Variants in CAMK1D observed in about 807,000 individuals in gnomAD.
CAMK1D encodes the protein calcium/calmodulin-dependent protein kinase type 1D.
CAMK1D carries 9 observed loss-of-function variants against 47.7 expected under a neutral mutation model. The ratio of observed to expected loss-of-function variants is 0.19; its 90% CI spans 0.11 to 0.33. The LOEUF (loss-of-function observed/expected upper bound fraction) is 0.33, where lower values mean the gene tolerates loss of function less well. CAMK1D is among the 10% of genes least tolerant of loss of function. The pLI is 1.00. For synonymous variants in CAMK1D, 184 were observed against 184.9 expected (o/e 0.99, Z 0.04); for missense variants, 291 against 488.7 (o/e 0.60, Z 3.81).
chr10:12,661,392 A>G (rs557685166), intron 2 of CAMK1D, among the ~76,000 whole-genome samples: 65 of 152,228 alleles, frequency 4.3e-4, no homozygotes, highest in Non-Finnish European at 8.7e-4. Context: ...CAGCAATGAC[A>G]ATTATGAGTT....
At chr10:12,406,098 G>C (rs1026104340) in intron 1 of CAMK1D, among the ~76,000 whole-genome samples, 3 of 152,148 alleles carry the variant, frequency 2.0e-5, no homozygotes, top group Non-Finnish European at 4.4e-5. Context: ...CGGTTGGCTT[G>C]TTGGGAAGAA....
At chr10:12,476,224 G>A (rs1418768848) in intron 1 of CAMK1D, among the ~76,000 whole-genome samples, 1 of 150,730 alleles carries the variant, frequency 6.6e-6, no homozygotes, top group Non-Finnish European at 1.5e-5. Flanking sequence ...CCTGGGAGGC[G>A]GAGGTTGCAG....
intron 3 of CAMK1D, among the ~76,000 whole-genome samples, chr10:12,722,446 CAAAAAAAAAAAAA>C (rs55809900): frequency 6.2e-5 from 3 of 48,596 alleles, no homozygotes; most frequent in East Asian, 8.2e-4. Flanking sequence ...GACTCCGCCT[CAAAAAAAAAAAAA>C]AAAAAAAAAA....
At chr10:12,582,742 A>G (rs183145779) in intron 2 of CAMK1D, among the ~76,000 whole-genome samples, 1 of 152,318 alleles carries the variant, frequency 6.6e-6, no homozygotes, top group Admixed American at 6.5e-5. Context: ...ACTTTGCTGA[A>G]TTCATTTATC....
chr10:12,406,722 C>CAAAAAAAAAAAAAA (rs3061400), intron 1 of CAMK1D, among the ~76,000 whole-genome samples: 6 of 69,244 alleles, frequency 8.7e-5, no homozygotes, highest in African/African-American at 4.2e-4. Context: ...GACCCTGTCT[C>CAAAAAAAAAAAAAA]AAAAAAAAAA....
intron 2 of CAMK1D, among the ~76,000 whole-genome samples, chr10:12,664,482 C>T (rs574677304): frequency 6.6e-6 from 1 of 152,196 alleles, no homozygotes; most frequent in East Asian, 1.9e-4. Context: ...GAATGTAGTC[C>T]TAATTTATTG....
chr10:12,379,488 A>G (rs1308421259), intron 1 of CAMK1D, among the ~76,000 whole-genome samples: 1 of 152,140 alleles, frequency 6.6e-6, no homozygotes, highest in African/African-American at 2.4e-5. Context: ...CTTGGTGGCT[A>G]ACGCCTGTAA....
intron 1 of CAMK1D, among the ~76,000 whole-genome samples, chr10:12,387,397 T>TATTTTATATATTTTATATA (rs199871181): frequency 1.2e-5 from 1 of 83,754 alleles, no homozygotes; most frequent in African/African-American, 4.5e-5. Flanking sequence ...ATATTATATA[T>TATTTTATATATTTTATATA]TTTTATATAT....
intron 2 of CAMK1D, among the ~76,000 whole-genome samples, chr10:12,647,865 T>C (rs1031996737): frequency 1.3e-5 from 2 of 152,184 alleles, no homozygotes; most frequent in African/African-American, 4.8e-5. Context: ...ATGGACTGCT[T>C]CCTGGGACCC....
chr10:12,771,949 G>A (rs1446127363), intron 5 of CAMK1D, among the ~76,000 whole-genome samples: 1 of 152,016 alleles, frequency 6.6e-6, no homozygotes, highest in East Asian at 1.9e-4. Context: ...CAGGAGAATC[G>A]CTTGAACCTG....
In CAMK1D at chr10:12,552,199, G is replaced by T. The variant is rs190587496; in HGVS notation, c.93-1026G>T. Among the ~76,000 whole-genome samples the T allele has an allele frequency of 1.1e-3, 167 of 152,330 alleles. 2 individuals carry two copies. Among genetic ancestry groups the T allele is most frequent in the African/African-American group, 3.7e-3 (155 of 41,568 alleles). On this transcript the variant is annotated intron_variant, in intron 1 of 10. Transcript: ENST00000619168. Reference sequence around the variant, plus strand: ...CATAAGGGGCCCCTCCAGAGAAGTGGGCTCTCCAGCCCCAGATGTTCTGGT... The same window carrying T: ...CATAAGGGGCCCCTCCAGAGAAGTGTGCTCTCCAGCCCCAGATGTTCTGGT...
At chr10:12,648,677 G>A (rs1839876981) in intron 2 of CAMK1D, among the ~76,000 whole-genome samples, 1 of 151,946 alleles carries the variant, frequency 6.6e-6, no homozygotes, top group Non-Finnish European at 1.5e-5. Flanking sequence ...CGCTATCTTG[G>A]CCAGGCTGGT....
chr10:12,436,790 T>C (rs1832645857), intron 1 of CAMK1D, among the ~76,000 whole-genome samples: 1 of 152,116 alleles, frequency 6.6e-6, no homozygotes, highest in South Asian at 2.1e-4. Context: ...AGAGCTTAGG[T>C]GATCAGTCAC....
chr10:12,370,497 C>T (rs1837972126), intron 1 of CAMK1D, among the ~76,000 whole-genome samples: 1 of 152,154 alleles, frequency 6.6e-6, no homozygotes, highest in Admixed American at 6.6e-5. Flanking sequence ...ATGATGCCAG[C>T]TCCATGCGTG....
intron 3 of CAMK1D, among the ~76,000 whole-genome samples, chr10:12,710,288 C>CACACTACT (rs1833887452): frequency 1.3e-5 from 2 of 152,284 alleles, no homozygotes; most frequent in South Asian, 4.1e-4. Context: ...CATTGATTTA[C>CACACTACT]GTTGTAAGTA....
At chr10:12,370,078 C>A (rs946577233) in intron 1 of CAMK1D, among the ~76,000 whole-genome samples, 1 of 151,812 alleles carries the variant, frequency 6.6e-6, no homozygotes, top group Admixed American at 6.6e-5. Flanking sequence ...GTGGCAAGTA[C>A]AATATAGTGA....
intron 6 of CAMK1D, among the ~76,000 whole-genome samples, chr10:12,796,894 G>GAA (rs1288291335): frequency 5.3e-5 from 8 of 151,610 alleles, no homozygotes; most frequent in African/African-American, 1.4e-4. Context: ...AGACTCAGAG[G>GAA]AGAAAAAAAA....
chr10:12,504,520 C>T lies in CAMK1D; in HGVS notation c.93-48705C>T, dbSNP rs559072141. On this transcript the variant is annotated intron_variant, in intron 1 of 10. Transcript: ENST00000619168. ...TAGATTAGGTGATGCCTTTCCACAT[C>T]GGTGAGGGTGAACCTTCTTGACTCA... is the stretch of plus-strand genomic sequence containing the variant. 9.2e-5 allele frequency among the ~76,000 whole-genome samples: 14 copies of T among 152,256 alleles called. No homozygotes were observed. In the South Asian group the frequency reaches 1.7e-3, roughly 18 times the overall value.
rs147371537 is a variant in CAMK1D at position 12,596,827 on chromosome 10, T to C, written c.224+43471T>C. Among the ~76,000 whole-genome samples, 161 of 149,476 alleles carry C rather than the reference T, an allele frequency of 1.1e-3. 1 individual carries two copies. The highest frequency in any genetic ancestry group is 2.6e-3 in the Admixed American group (39 of 14,982). On this transcript the variant is annotated intron_variant, in intron 2 of 10. Coordinates refer to ENST00000619168, the MANE Select transcript of CAMK1D (RefSeq NM_153498.4). ...CTCCAGTCCCCCTTTCCCACCCACATTTTTTTTTTAGACCTGGTAATTTTT... is the reference window on the plus strand; with the variant it reads ...CTCCAGTCCCCCTTTCCCACCCACACTTTTTTTTTAGACCTGGTAATTTTT...
Sources: gnomAD v4.1 joint callset for allele counts (sites outside exome capture counted in the v4.1 genomes callset) on GRCh38, gnomAD v4.1.1 for gene constraint, MANE v1.5 for transcripts, NCBI Gene and HGNC (gene_info 2026-07-23, HGNC 2026-07-21) for gene names.